The following JMJD1C variants were observed in gnomAD, a reference collection of about 807,000 sequenced individuals.
JMJD1C encodes jumonji domain containing 1C.
A neutral mutation model predicts 245.3 loss-of-function variants in JMJD1C; 31 were observed. The ratio of observed to expected loss-of-function variants is 0.13; its 90% CI spans 0.09 to 0.17. The LOEUF is 0.17. JMJD1C is among the 10% of genes least tolerant of loss of function. JMJD1C has a pLI of 1.00. For synonymous variants in JMJD1C, 1,057 were observed against 1,017.4 expected, an observed-to-expected ratio of 1.04 and a Z score of -0.74; for missense variants, 2,691 against 3,000.2, an observed-to-expected ratio of 0.90 and a Z score of 2.41.
chr10:63,181,442 GAATAC>G (rs750805899), intron 22 of JMJD1C, among the ~76,000 whole-genome samples: 5 of 152,098 alleles, frequency 3.3e-5, no homozygotes, highest in Non-Finnish European at 7.4e-5. Flanking sequence ...TTGAAAGAAT[GAATAC>G]AGAAGTTTGC....
chr10:63,279,365 A>G (rs1038671787), intron 2 of JMJD1C, among the ~76,000 whole-genome samples: 16 of 152,216 alleles, frequency 1.1e-4, no homozygotes, highest in Admixed American at 1.0e-3. Context: ...ATTGAAACAG[A>G]AAAAAAATTT....
chr10:63,207,661 C>T lies in JMJD1C; in HGVS notation c.4008G>A (p.Gly1336=). 1 of 1,614,050 alleles carries T rather than the reference C, an allele frequency of 6.2e-7. No homozygotes were observed. The part of the protein sequence containing the change: ...KDRVSERSSA[G]AHKTDCLKLA... ...GTTTGAGGCAATCTGTTTTATGTGCCCCAGCTGAAGATCTTTCACTAACAC... is the reference window on the plus strand; with the variant it reads ...GTTTGAGGCAATCTGTTTTATGTGCTCCAGCTGAAGATCTTTCACTAACAC... Residue 1336 remains glycine, a synonymous_variant, in exon 10 of 26, where the codon GGG becomes GGA. Coordinates refer to ENST00000399262, the MANE Select transcript of JMJD1C (RefSeq NM_032776.3).
chr10:63,215,496 T>G, intron 6 of JMJD1C, 41 bp from the exon 7 acceptor site: 1 of 1,612,220 alleles, frequency 6.2e-7, no homozygotes, highest in South Asian at 1.1e-5. Context: ...ACTACCTGGT[T>G]TCTACTAGCC....
intron 2 of JMJD1C, among the ~76,000 whole-genome samples, chr10:63,353,439 T>C (rs1291046905): frequency 6.6e-6 from 1 of 152,200 alleles, no homozygotes. Flanking sequence ...GCAAAGCAGG[T>C]GAAACGGTAG....
chr10:63,197,038 A>G (rs187816806), intron 13 of JMJD1C, among the ~76,000 whole-genome samples: 6 of 152,142 alleles, frequency 3.9e-5, no homozygotes, highest in East Asian at 1.9e-4. Flanking sequence ...CCTGGGTTCA[A>G]GCAATCTTTG....
At chr10:63,501,566 A>G (rs2133251920) in intron 1 of JMJD1C, among the ~76,000 whole-genome samples, 1 of 152,294 alleles carries the variant, frequency 6.6e-6, no homozygotes, top group East Asian at 1.9e-4. Context: ...TCACGAGGTC[A>G]GGAGATCGAG....
At chr10:63,271,460 G>A (rs1324241218) in intron 2 of JMJD1C, among the ~76,000 whole-genome samples, 1 of 152,100 alleles carries the variant, frequency 6.6e-6, no homozygotes, top group East Asian at 1.9e-4. Flanking sequence ...TTACAGGCGT[G>A]AGCCACCATG....
At chr10:63,479,901 A>T (rs934324668) in intron 1 of JMJD1C, among the ~76,000 whole-genome samples, 2 of 152,184 alleles carry the variant, frequency 1.3e-5, no homozygotes, top group African/African-American at 4.8e-5. Context: ...TTCAGACAAT[A>T]ATGATCCCAG....
chr10:63,509,523 A>C (rs1954814000), intron 1 of JMJD1C, among the ~76,000 whole-genome samples: 1 of 152,182 alleles, frequency 6.6e-6, no homozygotes, highest in Non-Finnish European at 1.5e-5. Flanking sequence ...TCACTAGTGA[A>C]CCCATCTGGA....
At chr10:63,358,413 TG>T (rs1383807288) in intron 2 of JMJD1C, among the ~76,000 whole-genome samples, 13 of 150,550 alleles carry the variant, frequency 8.6e-5, no homozygotes, top group African/African-American at 3.2e-4. Context: ...AAAAAAAATC[TG>T]AAGATAGATA....
chr10:63,419,565 C>T (rs1036196760), intron 1 of JMJD1C, among the ~76,000 whole-genome samples: 4 of 151,988 alleles, frequency 2.6e-5, no homozygotes, highest in Admixed American at 6.6e-5. Context: ...AAGAAATAGA[C>T]TTGGTGGCTT....
intron 1 of JMJD1C, among the ~76,000 whole-genome samples, chr10:63,450,512 G>C (rs532310161): frequency 2.0e-5 from 3 of 152,000 alleles, no homozygotes; most frequent in African/African-American, 7.3e-5. Context: ...GCTGGAATGC[G>C]AGGATGGTTC....
chr10:63,518,521 A>G (rs9943366), intron 1 of JMJD1C, among the ~76,000 whole-genome samples: 8,907 of 152,246 alleles, frequency 0.059, 429 homozygotes, highest in African/African-American at 0.13. Context: ...TTGTGATACA[A>G]TTTTCCAAAA....
rs766071325 is a variant in JMJD1C, at chr10:63,458,484, T to TA, written c.168+7010dup. Reference sequence around the variant, plus strand: ...GGGCAACAGAGCGAGACCCTGTCTTTAAAAAAAAAAAAAAGTCTGCTAAAA... The same window carrying TA: ...GGGCAACAGAGCGAGACCCTGTCTTTAAAAAAAAAAAAAAAGTCTGCTAAAA... On this transcript the variant is annotated intron_variant, in intron 1 of 25. Transcript: ENST00000399262. 7.5e-3 allele frequency among the ~76,000 whole-genome samples: 1,059 copies of TA among 141,384 alleles called. 10 individuals are homozygous for TA. Among genetic ancestry groups the TA allele is most frequent in the South Asian group, 0.032 (142 of 4,432 alleles). 92.8% of individuals were successfully genotyped at this position (141,384 alleles called of 152,430 possible). A position where few individuals can be genotyped will look rare whatever the true frequency, so the allele number is the denominator to read the frequency against.
chr10:63,207,746 C>G lies in JMJD1C; in HGVS notation c.3923G>C (p.Arg1308Pro), dbSNP rs368940089. The G allele has an allele frequency of 6.2e-7, 1 of 1,614,042 alleles. No homozygotes were observed. Among genetic ancestry groups the G allele is most frequent in the African/African-American group, 1.3e-5 (1 of 74,928 alleles). Residue 1308 changes from arginine (R) to proline (P), a missense_variant, in exon 10 of 26, where the codon CGT (arginine) becomes CCT (proline). Physicochemically the swap from Arg to Pro is moderately radical, Grantham distance 103. Around this residue, in one of 9 missense-constraint regions of JMJD1C, gnomAD observed 1,562 missense variants for 1,490.7 expected, o/e 1.05. Coordinates refer to ENST00000399262, the MANE Select transcript of JMJD1C (RefSeq NM_032776.3). ...ATCAGTTTTTGTACTAGAAGATGGA[C>G]GCACAATGACAGATGCCATAGCAGC... Reference protein sequence around the residue: ...LQAAMASVIVRPSSSTKTDSM... With the variant: ...LQAAMASVIVPPSSSTKTDSM...
At chr10:63,348,837 A>G (rs1944077878) in intron 2 of JMJD1C, among the ~76,000 whole-genome samples, 1 of 152,130 alleles carries the variant, frequency 6.6e-6, no homozygotes, top group Non-Finnish European at 1.5e-5. Context: ...GCGGTGGCTC[A>G]TGCCTGTAAT....
intron 1 of JMJD1C, among the ~76,000 whole-genome samples, chr10:63,509,132 T>C (rs1303462600): frequency 6.6e-6 from 1 of 152,238 alleles, no homozygotes; most frequent in Admixed American, 6.5e-5. Context: ...GTCTTCATAA[T>C]GAATTAGTGT....
At chr10:63,230,372 C>G (rs1247099016) in intron 3 of JMJD1C, among the ~76,000 whole-genome samples, 1 of 151,960 alleles carries the variant, frequency 6.6e-6, no homozygotes, top group African/African-American at 2.4e-5. Context: ...GACTCTGTTT[C>G]GAAAAAATTC....
intron 2 of JMJD1C, among the ~76,000 whole-genome samples, chr10:63,328,496 T>C (rs964727489): frequency 3.1e-4 from 47 of 152,198 alleles, no homozygotes; most frequent in African/African-American, 1.1e-3. Flanking sequence ...TTTATAGACA[T>C]GTGATGTTTT....
Sources: allele counts gnomAD v4.1 joint callset (sites outside exome capture counted in the v4.1 genomes callset), GRCh38; gene constraint gnomAD v4.1.1; regional missense constraint gnomAD v4.1.1; transcripts MANE v1.5; gene names NCBI Gene and HGNC (gene_info 2026-07-23, HGNC 2026-07-21).